GATB: variants seen among roughly 807,000 people sequenced by gnomAD.
The protein encoded by GATB is glutamyl-tRNA(Gln) amidotransferase subunit B, mitochondrial.
A neutral mutation model predicts 62.3 loss-of-function variants in GATB; 39 were observed. The observed-to-expected ratio is 0.63, with a 90% CI of 0.48 to 0.82. The LOEUF (loss-of-function observed/expected upper bound fraction) is 0.82, where lower values mean the gene tolerates loss of function less well. Among genes scored for constraint, GATB ranks in the 40% least tolerant of loss-of-function variants. The pLI is 0.00. For missense variants in GATB, 670 were observed against 684.0 expected (o/e 0.98, Z 0.23); for synonymous variants, 276 against 258.9 (o/e 1.07, Z -0.63).
intron 11 of GATB, chr4:151,673,178 G>A (rs933447416): frequency 6.2e-6 from 2 of 320,176 alleles, no homozygotes; most frequent in African/African-American, 2.1e-5. Flanking sequence ...TCAGCATAAG[G>A]TGTGAGAGGA....
At chr4:151,703,499 G>GT in intron 8 of GATB, 1 of 283,232 alleles carries the variant, frequency 3.5e-6, no homozygotes, top group South Asian at 5.3e-5. Context: ...TTCATTCAGC[G>GT]TATTACTGAA....
intron 2 of GATB, among the ~76,000 whole-genome samples, chr4:151,741,746 C>T (rs1739492022): frequency 6.6e-6 from 1 of 152,204 alleles, no homozygotes; most frequent in African/African-American, 2.4e-5. Flanking sequence ...ATTGATTTCT[C>T]CCACTAGAGC....
intron 11 of GATB, chr4:151,673,316 T>C: frequency 6.8e-6 from 1 of 147,280 alleles, no homozygotes. Context: ...CTGACGGGAG[T>C]CGGCGGGCCA....
chr4:151,719,631 G>A, intron 2 of GATB, 93 bp from the exon 3 acceptor site: 1 of 797,444 alleles, frequency 1.3e-6, no homozygotes, highest in South Asian at 2.0e-5. Context: ...ATGCAACTTG[G>A]CCCTTCAACA....
intron 2 of GATB, among the ~76,000 whole-genome samples, chr4:151,739,504 CA>C (rs1040372231): frequency 2.0e-5 from 3 of 152,206 alleles, no homozygotes; most frequent in Admixed American, 1.3e-4. Flanking sequence ...ACTCTCCCCA[CA>C]ATGTTACATG....
chr4:151,713,315 C>A (rs916233537), intron 5 of GATB, among the ~76,000 whole-genome samples: 2 of 152,122 alleles, frequency 1.3e-5, no homozygotes, highest in Non-Finnish European at 2.9e-5. Flanking sequence ...CTGAAACCAC[C>A]CCGCCTTCGG....
chr4:151,750,379 G>GA, intron 2 of GATB, among the ~76,000 whole-genome samples: 1 of 152,168 alleles, frequency 6.6e-6, no homozygotes, highest in East Asian at 1.9e-4. Flanking sequence ...GGGACCTTTG[G>GA]AAAATCCATC....
At chr4:151,682,285 G>A (rs1341688035) in intron 10 of GATB, among the ~76,000 whole-genome samples, 4 of 152,148 alleles carry the variant, frequency 2.6e-5, no homozygotes, top group Non-Finnish European at 1.5e-5. Flanking sequence ...GACTGCACAT[G>A]TTAATTCCAC....
chr4:151,711,480 G>A (rs1439118915), intron 5 of GATB, among the ~76,000 whole-genome samples: 2 of 152,114 alleles, frequency 1.3e-5, no homozygotes, highest in Non-Finnish European at 1.5e-5. Context: ...CCCATTCCTA[G>A]CTCTTTCTCA....
chr4:151,753,929 T>C (rs1739770620), intron 2 of GATB, among the ~76,000 whole-genome samples: 1 of 152,208 alleles, frequency 6.6e-6, no homozygotes, highest in Admixed American at 6.5e-5. Flanking sequence ...TGCCATGACA[T>C]TTCTCAATCC....
At chr4:151,677,362 A>C (rs1347748591) in intron 11 of GATB, 4 of 152,364 alleles carry the variant, frequency 2.6e-5, no homozygotes, top group African/African-American at 9.6e-5. Flanking sequence ...ACGGCTATAG[A>C]ATCAAAAAGA....
chr4:151,735,389 C>T (rs189137283), intron 2 of GATB, among the ~76,000 whole-genome samples: 112 of 152,032 alleles, frequency 7.4e-4, no homozygotes, highest in African/African-American at 2.6e-3. Context: ...AACCACAGTG[C>T]GATACCACCT....
At chr4:151,680,143 T>C (rs1738106808) in intron 10 of GATB, among the ~76,000 whole-genome samples, 1 of 152,112 alleles carries the variant, frequency 6.6e-6, no homozygotes, top group Admixed American at 6.6e-5. Context: ...GCAGAAGTTG[T>C]AGCAACAGAC....
chr4:151,689,341 G>C (rs967678619), intron 9 of GATB, among the ~76,000 whole-genome samples: 1 of 152,206 alleles, frequency 6.6e-6, no homozygotes, highest in African/African-American at 2.4e-5. Flanking sequence ...CAAAGTGAGG[G>C]AGAACATGGG....
intron 2 of GATB, among the ~76,000 whole-genome samples, chr4:151,747,871 G>A (rs1005575752): frequency 2.0e-5 from 3 of 152,136 alleles, no homozygotes; most frequent in Admixed American, 1.3e-4. Context: ...TGGAAAGCAA[G>A]AGCCACCAAC....
rs529023767 is a variant in GATB at position 151,686,700 on chromosome 4, C to A, written c.1331+1930G>T. On this transcript the variant is annotated intron_variant, in intron 10 of 12. Coordinates refer to ENST00000263985, the MANE Select transcript of GATB (RefSeq NM_004564.3). ...CCTGGTTTTCCTTCTACTTCTGTGC[C>A]ATCGCGCCTGCATTTCCTTCTCTGT... Among the ~76,000 whole-genome samples the A allele has an allele frequency of 2.0e-3, 262 of 131,968 alleles. 1 individual carries two copies. Among genetic ancestry groups the A allele is most frequent in the African/African-American group, 7.2e-3 (259 of 35,912 alleles). The allele number at this position is 131,968 out of a possible 152,430, so 86.6% of individuals were successfully genotyped here.
In GATB at chr4:151,756,628, G is replaced by C. The variant is rs186576224; in HGVS notation, c.327+2144C>G. Among the ~76,000 whole-genome samples, 112 of 152,286 alleles carry C rather than the reference G, an allele frequency of 7.4e-4. 1 individual carries two copies. Among genetic ancestry groups the C allele is most frequent in the Middle Eastern group, 3.4e-3 (1 of 294 alleles). On this transcript the variant is annotated intron_variant, in intron 2 of 12. Coordinates refer to ENST00000263985, the MANE Select transcript of GATB (RefSeq NM_004564.3). The stretch of plus-strand genomic sequence containing the variant: ...ATACAAAACTGTATTTCCAGACTTT[G>C]TCTGCCATTTAATTAATGTAAGCCA...
At chr4:151,754,395 T>C (rs559606423) in intron 2 of GATB, among the ~76,000 whole-genome samples, 1 of 152,358 alleles carries the variant, frequency 6.6e-6, no homozygotes, top group African/African-American at 2.4e-5. Flanking sequence ...CTCAAGCACC[T>C]TGTATTTCCA....
At chr4:151,741,273 T>C (rs1299844547) in intron 2 of GATB, among the ~76,000 whole-genome samples, 1 of 152,242 alleles carries the variant, frequency 6.6e-6, no homozygotes, top group Admixed American at 6.5e-5. Flanking sequence ...CTTATTCTCC[T>C]GTACTGAGGG....
Sources: gnomAD v4.1 joint callset for allele counts (sites outside exome capture counted in the v4.1 genomes callset) on GRCh38, gnomAD v4.1.1 for gene constraint, MANE v1.5 for transcripts, NCBI Gene and HGNC (gene_info 2026-07-23, HGNC 2026-07-21) for gene names.